Variants in MDGA2 observed in about 807,000 individuals in gnomAD.
The protein encoded by MDGA2 is MAM domain containing glycosylphosphatidylinositol anchor 2, also known as MAM domain-containing glycosylphosphatidylinositol anchor protein 2.
Under a neutral mutation model 117.8 loss-of-function variants are expected in MDGA2, and 40 were observed. That is an observed-to-expected ratio of 0.34 (90% confidence interval 0.26 to 0.44). The LOEUF (loss-of-function observed/expected upper bound fraction) is 0.44, where lower values mean the gene tolerates loss of function less well. MDGA2 is among the 20% of genes least tolerant of loss of function. MDGA2 has a pLI of 1.00. For synonymous variants in MDGA2, 452 were observed against 439.0 expected, an observed-to-expected ratio of 1.03 and a Z score of -0.37; for missense variants, 1,123 against 1,250.6, an observed-to-expected ratio of 0.90 and a Z score of 1.54.
intron 3 of MDGA2, among the ~76,000 whole-genome samples, chr14:47,199,332 CTATT>C (rs887318961): frequency 1.3e-5 from 2 of 152,104 alleles, no homozygotes; most frequent in African/African-American, 4.8e-5. Flanking sequence ...ACAATTTTGA[CTATT>C]TATCCTAGAA....
chr14:46,890,742 T>C (rs1882849063), intron 10 of MDGA2, among the ~76,000 whole-genome samples: 1 of 152,116 alleles, frequency 6.6e-6, no homozygotes, highest in African/African-American at 2.4e-5. Flanking sequence ...ACTTCAAGGA[T>C]CTTTTTAAAG....
intron 1 of MDGA2, among the ~76,000 whole-genome samples, chr14:47,419,687 G>T (rs1249477069): frequency 6.6e-6 from 1 of 151,764 alleles, no homozygotes; most frequent in African/African-American, 2.4e-5. Flanking sequence ...ATCATGTAAA[G>T]AAAATATACT....
intron 8 of MDGA2, chr14:46,960,512 G>A (rs1275878973): frequency 6.6e-6 from 1 of 151,962 alleles, no homozygotes; most frequent in Non-Finnish European, 1.5e-5. Flanking sequence ...CCATACACAC[G>A]AAATAGTGCT....
intron 9 of MDGA2, among the ~76,000 whole-genome samples, chr14:46,948,032 G>T (rs1247016584): frequency 6.6e-6 from 1 of 151,716 alleles, no homozygotes; most frequent in Non-Finnish European, 1.5e-5. Context: ...TGCCTGCCTT[G>T]TGCCTATTCT....
intron 6 of MDGA2, among the ~76,000 whole-genome samples, chr14:47,077,810 A>G (rs1361186121): frequency 6.6e-6 from 1 of 152,106 alleles, no homozygotes; most frequent in Non-Finnish European, 1.5e-5. Context: ...AACATGGTCA[A>G]TTATAAAACG....
chr14:47,559,429 G>A (rs558760389), intron 1 of MDGA2, among the ~76,000 whole-genome samples: 14 of 152,000 alleles, frequency 9.2e-5, no homozygotes, highest in Non-Finnish European at 1.8e-4. Flanking sequence ...ACATGATCTT[G>A]TTCTTTTTTA....
chr14:47,221,897 G>A (rs1455035250), intron 2 of MDGA2, among the ~76,000 whole-genome samples: 3 of 151,944 alleles, frequency 2.0e-5, no homozygotes, highest in African/African-American at 7.2e-5. Context: ...AGTTTACATT[G>A]TGGAATGATT....
chr14:47,651,067 CA>C (rs990577677), intron 1 of MDGA2, among the ~76,000 whole-genome samples: 2 of 151,976 alleles, frequency 1.3e-5, no homozygotes, highest in African/African-American at 2.4e-5. Context: ...ATTTTGTGAT[CA>C]AAAATATACC....
intron 1 of MDGA2, among the ~76,000 whole-genome samples, chr14:47,380,426 C>A (rs1197627128): frequency 6.6e-6 from 1 of 152,034 alleles, no homozygotes; most frequent in Non-Finnish European, 1.5e-5. Flanking sequence ...ATCAGTGAAT[C>A]CGGGAGCTCA....
intron 3 of MDGA2, among the ~76,000 whole-genome samples, chr14:47,153,174 G>C (rs1025898313): frequency 2.0e-5 from 3 of 152,260 alleles, no homozygotes; most frequent in Non-Finnish European, 2.9e-5. Flanking sequence ...GATCATCCTA[G>C]CTCCTTCTGG....
intron 8 of MDGA2, among the ~76,000 whole-genome samples, chr14:47,005,209 T>C (rs1229032898): frequency 6.6e-6 from 1 of 151,688 alleles, no homozygotes; most frequent in East Asian, 1.9e-4. Flanking sequence ...TCTTTTATCA[T>C]AGAATATGAT....
intron 2 of MDGA2, among the ~76,000 whole-genome samples, chr14:47,239,865 T>A (rs1886982344): frequency 6.6e-6 from 1 of 151,798 alleles, no homozygotes; most frequent in Admixed American, 6.6e-5. Flanking sequence ...TTTTATATCT[T>A]TTTTTAGGCA....
chr14:47,565,147 T>G (rs565382089), intron 1 of MDGA2, among the ~76,000 whole-genome samples: 2 of 152,340 alleles, frequency 1.3e-5, no homozygotes, highest in African/African-American at 4.8e-5. Flanking sequence ...GAACCACTGC[T>G]CTGGGGAAGT....
At chr14:46,975,440 C>CAAGT (rs1340637231) in intron 8 of MDGA2, among the ~76,000 whole-genome samples, 1 of 152,048 alleles carries the variant, frequency 6.6e-6, no homozygotes, top group Non-Finnish European at 1.5e-5. Context: ...GGGATCAAAG[C>CAAGT]AAGTATTCAT....
intron 1 of MDGA2, among the ~76,000 whole-genome samples, chr14:47,475,113 T>C (rs1454087921): frequency 6.6e-6 from 1 of 152,026 alleles, no homozygotes; most frequent in Non-Finnish European, 1.5e-5. Context: ...CCAGAGTCTA[T>C]AAGGAACATA....
intron 1 of MDGA2, among the ~76,000 whole-genome samples, chr14:47,641,038 T>C (rs1897413956): frequency 6.6e-6 from 1 of 152,048 alleles, no homozygotes; most frequent in African/African-American, 2.4e-5. Flanking sequence ...AGCTCCTCAA[T>C]GGCAAGAAGC....
chr14:47,355,702 C>G (rs1481727422), intron 1 of MDGA2, among the ~76,000 whole-genome samples: 2 of 152,052 alleles, frequency 1.3e-5, no homozygotes, highest in African/African-American at 4.8e-5. Context: ...AGAGAGAGGA[C>G]GGCTGTCATC....
At position 46,873,628 on chromosome 14, in the gene MDGA2, T is replaced by C. The variant is rs773898894; in HGVS notation, c.2594-37A>G. 5.2e-6 allele frequency: 8 copies of C among 1,546,198 alleles called. No individual in the cohort carries two copies. The Admixed American group carries it at 1.2e-4, about 23-fold the overall frequency. On this transcript the variant is annotated intron_variant, in intron 13 of 16. Transcript: ENST00000399232. ...CAAAATAAAGTGTTTAAACACATTA[T>C]TCTTAGGCATAATGAAATTTCAAAT...
chr14:47,612,377 A>G (rs1422930416), intron 1 of MDGA2, among the ~76,000 whole-genome samples: 1 of 152,164 alleles, frequency 6.6e-6, no homozygotes, highest in East Asian at 1.9e-4. Flanking sequence ...TCATGGAAAA[A>G]CTACCAATCT....
Sources: gnomAD v4.1 joint callset for allele counts (sites outside exome capture counted in the v4.1 genomes callset) on GRCh38, gnomAD v4.1.1 for gene constraint, MANE v1.5 for transcripts, NCBI Gene and HGNC (gene_info 2026-07-23, HGNC 2026-07-21) for gene names.